The following TRMT9B variants were observed in gnomAD, a reference collection of about 807,000 sequenced individuals.
TRMT9B encodes the protein tRNA methyltransferase 9B (putative).
TRMT9B carries 16 observed loss-of-function variants against 11.5 expected under a neutral mutation model. The ratio of observed to expected loss-of-function variants is 1.39; its 90% CI spans 0.94 to 2.11. The LOEUF (loss-of-function observed/expected upper bound fraction) is 2.11, where lower values mean the gene tolerates loss of function less well. TRMT9B is among the 30% of genes most tolerant of loss of function. The pLI, the probability that TRMT9B is intolerant of heterozygous loss-of-function variation, is 0.00. For synonymous variants in TRMT9B, 274 were observed against 192.4 expected (o/e 1.42, Z -3.51); for missense variants, 941 against 553.8 (o/e 1.70, Z -7.02).
chr8:12,953,839 T>C (rs1035116766), intron 1 of TRMT9B, among the ~76,000 whole-genome samples: 15 of 152,158 alleles, frequency 9.9e-5, no homozygotes, highest in African/African-American at 3.6e-4. Flanking sequence ...CCTTGAGAAG[T>C]TGGGACATAT....
chr8:12,963,349 C>T (rs1802388352), intron 1 of TRMT9B, among the ~76,000 whole-genome samples: 1 of 152,104 alleles, frequency 6.6e-6, no homozygotes, highest in Middle Eastern at 3.2e-3. Flanking sequence ...AGGAGAATTG[C>T]TTGAACCTGG....
At chr8:12,958,442 A>T (rs1240838358) in intron 1 of TRMT9B, 1 of 152,258 alleles carries the variant, frequency 6.6e-6, no homozygotes, top group South Asian at 2.1e-4. Context: ...TTTCTCCAGC[A>T]TAGTACTGCA....
intron 1 of TRMT9B, among the ~76,000 whole-genome samples, chr8:12,976,280 A>G (rs903882814): frequency 1.3e-5 from 2 of 152,190 alleles, no homozygotes; most frequent in African/African-American, 4.8e-5. Context: ...TGAGCCTTTT[A>G]GAGACCATTT....
chr8:13,017,574 T>C (rs1812957120), intron 4 of TRMT9B, among the ~76,000 whole-genome samples: 1 of 151,786 alleles, frequency 6.6e-6, no homozygotes, highest in Non-Finnish European at 1.5e-5. Context: ...CGTATGCATG[T>C]CTAATACATT....
chr8:12,987,863 A>C (rs929091852), intron 1 of TRMT9B, among the ~76,000 whole-genome samples: 1 of 152,302 alleles, frequency 6.6e-6, no homozygotes, highest in East Asian at 1.9e-4. Flanking sequence ...TGGTGTGCCA[A>C]CTGGGAGATG....
chr8:13,000,185 C>G (rs1334802343), intron 2 of TRMT9B, among the ~76,000 whole-genome samples: 1 of 152,168 alleles, frequency 6.6e-6, no homozygotes, highest in East Asian at 1.9e-4. Flanking sequence ...GAAAGCAACA[C>G]AGTGGGGTAA....
rs1812657870 is a variant in TRMT9B, at chr8:13,016,230, A to C, written c.328+3373A>C. On this transcript the variant is annotated intron_variant, in intron 4 of 4. Transcript: ENST00000524591. ...TATATATAAAATATAAATGTGAAAT[A>C]TATATTATATATAAAATATAAATGT... 1.7e-5 allele frequency among the ~76,000 whole-genome samples: 2 copies of C among 114,384 alleles called. 1 individual carries two copies. Among genetic ancestry groups the C allele is most frequent in the African/African-American group, 6.7e-5 (2 of 29,630 alleles). 75.0% of individuals were successfully genotyped at this position (114,384 alleles called of 152,430 possible).
At chr8:13,004,426 A>T (rs1810037355) in intron 2 of TRMT9B, among the ~76,000 whole-genome samples, 1 of 151,352 alleles carries the variant, frequency 6.6e-6, no homozygotes, top group African/African-American at 2.4e-5. Context: ...GCTTGAGGAG[A>T]GGAGAGGGAA....
At position 13,021,335 on chromosome 8, in the gene TRMT9B, C is replaced by G. The variant is rs749368899; in HGVS notation, c.656C>G (p.Pro219Arg). The G allele has an allele frequency of 8.7e-6, 14 of 1,613,858 alleles. No individual in the cohort carries two copies. Among genetic ancestry groups the G allele is most frequent in the Middle Eastern group, 1.6e-4 (1 of 6,084 alleles). The change falls in exon 5 of 5, where the codon CCT becomes CGT. Residue 219 changes from proline to arginine, a missense_variant. Physicochemically the swap from Pro to Arg is moderately radical, Grantham distance 103. Transcript: ENST00000524591. ...SKRSHSVGYE[P>R]AMARTCFANI... ...CGGTCCCACAGCGTGGGCTATGAAC[C>G]TGCTATGGCAAGAACCTGTTTTGCA... is the stretch of plus-strand genomic sequence containing the variant.
chr8:12,998,942 G>T (rs939224399), intron 2 of TRMT9B, among the ~76,000 whole-genome samples: 3 of 152,102 alleles, frequency 2.0e-5, no homozygotes, highest in African/African-American at 7.2e-5. Context: ...TGTGGCTGTT[G>T]GATATATATG....
intron 3 of TRMT9B, chr8:13,010,763 G>C (rs1367475362): frequency 2.0e-6 from 2 of 983,268 alleles, no homozygotes; most frequent in Non-Finnish European, 2.4e-6. Context: ...CAAATGAATT[G>C]CAAGGTTATT....
Position 13,021,208 on chromosome 8 carries a change from A to C in TRMT9B, c.529A>C (p.Arg177=). The change falls in exon 5 of 5, where the codon AGG becomes CGG. Residue 177 remains arginine, a synonymous_variant. Transcript: ENST00000524591. ...QLFSESSQSG[R]KRQCGYPERG... ...CTTCTCAGAGTCCAGCCAGTCTGGG[A>C]GGAAGAGGCAGTGTGGATACCCAGA... 6.8e-6 allele frequency: 11 copies of C among 1,613,784 alleles called. No individual in the cohort carries two copies. The highest frequency in any genetic ancestry group is 9.3e-6 in the Non-Finnish European group (11 of 1,179,786).
chr8:13,010,312 G>A (rs545034085), intron 3 of TRMT9B: 81 of 946,570 alleles, frequency 8.6e-5, no homozygotes, highest in Non-Finnish European at 9.9e-5. Context: ...AATGAAAGAT[G>A]CATTTTAATG....
At chr8:12,991,658 C>T (rs1482223865) in intron 2 of TRMT9B, among the ~76,000 whole-genome samples, 3 of 152,102 alleles carry the variant, frequency 2.0e-5, no homozygotes, top group African/African-American at 7.2e-5. Flanking sequence ...CCTGGCTGGG[C>T]GCATTGGCTC....
intron 1 of TRMT9B, among the ~76,000 whole-genome samples, chr8:12,978,739 G>T (rs1300872384): frequency 6.6e-6 from 1 of 152,164 alleles, no homozygotes; most frequent in Non-Finnish European, 1.5e-5. Context: ...ACTCTGGTTA[G>T]GCCACCACTG....
At chr8:12,989,156 G>A (rs996483652) in intron 1 of TRMT9B, among the ~76,000 whole-genome samples, 7 of 151,972 alleles carry the variant, frequency 4.6e-5, no homozygotes, top group Non-Finnish European at 1.0e-4. Flanking sequence ...GAAAATACAC[G>A]CATGGCTTAT....
At chr8:12,992,227 A>G (rs1807477033) in intron 2 of TRMT9B, among the ~76,000 whole-genome samples, 1 of 152,210 alleles carries the variant, frequency 6.6e-6, no homozygotes, top group South Asian at 2.1e-4. Context: ...ATAGAGATAT[A>G]TAAAAACATC....
chr8:13,017,556 C>G (rs578122692), intron 4 of TRMT9B, among the ~76,000 whole-genome samples: 2 of 149,998 alleles, frequency 1.3e-5, no homozygotes, highest in Admixed American at 1.3e-4. Context: ...CTTAATAGAA[C>G]ATGTATGCGT....
chr8:13,021,566 A>G lies in TRMT9B; in HGVS notation c.887A>G (p.His296Arg). The G allele has an allele frequency of 6.2e-7, 1 of 1,613,960 alleles. No homozygotes were observed. The highest frequency in any genetic ancestry group is 8.5e-7 in the Non-Finnish European group (1 of 1,179,854). The change falls in exon 5 of 5, where the codon CAC (histidine) becomes CGC (arginine). Residue 296 changes from histidine to arginine, a missense_variant. His to Arg is a conservative substitution (Grantham distance 29). Transcript: ENST00000524591. ...AGACACTCTAGTTTAGACTTTGATC[A>G]CCAAGAGCCATTTTCAACAAAAGGG... ...PSRHSSLDFD[H>R]QEPFSTKGQS...
Sources: gnomAD v4.1 joint callset for allele counts (sites outside exome capture counted in the v4.1 genomes callset) on GRCh38, gnomAD v4.1.1 for gene constraint, MANE v1.5 for transcripts, NCBI Gene and HGNC (gene_info 2026-07-23, HGNC 2026-07-21) for gene names.